NSD3: variants seen among roughly 807,000 people sequenced by gnomAD.
NSD3 encodes nuclear receptor binding SET domain protein 3.
A neutral mutation model predicts 160.8 loss-of-function variants in NSD3; 24 were observed. That is an observed-to-expected ratio of 0.15 (90% CI 0.11 to 0.21). The LOEUF is 0.21. NSD3 is among the 10% of genes least tolerant of loss of function. The pLI, the probability that NSD3 is intolerant of heterozygous loss-of-function variation, is 1.00. For synonymous variants in NSD3, 520 were observed against 600.0 expected (o/e 0.87, Z 1.95); for missense variants, 1,157 against 1,735.9 (o/e 0.67, Z 5.93).
At chr8:38,332,253 T>C (rs977181116) in intron 4 of NSD3, among the ~76,000 whole-genome samples, 2 of 152,206 alleles carry the variant, frequency 1.3e-5, no homozygotes, top group African/African-American at 4.8e-5. Flanking sequence ...TGATAGGTTC[T>C]TATTTTTAAA....
chr8:38,296,367 G>A (rs910276196), intron 15 of NSD3, among the ~76,000 whole-genome samples: 24 of 152,272 alleles, frequency 1.6e-4, no homozygotes, highest in African/African-American at 5.5e-4. Flanking sequence ...GCAAGTCATC[G>A]TTGTATTTTA....
intron 17 of NSD3, 43 bp downstream of exon 17, chr8:38,290,432 C>G (rs367930463): frequency 1.9e-5 from 31 of 1,595,554 alleles, no homozygotes; most frequent in Non-Finnish European, 2.7e-5. Flanking sequence ...AAACTGACAC[C>G]GGAGTTGTAG....
At chr8:38,279,783 G>A in intron 20 of NSD3, 102 bp from the exon 21 acceptor site, 1 of 1,319,302 alleles carries the variant, frequency 7.6e-7, no homozygotes. Context: ...GCTACCAACT[G>A]GTGTTTGACA....
intron 19 of NSD3, among the ~76,000 whole-genome samples, chr8:38,286,195 C>T (rs1257347205): frequency 1.3e-5 from 2 of 152,106 alleles, no homozygotes; most frequent in Non-Finnish European, 2.9e-5. Context: ...GTCTCTCACC[C>T]CTGCTGGCTG....
chr8:38,366,650 G>C (rs1163757627), intron 1 of NSD3, among the ~76,000 whole-genome samples: 2 of 152,064 alleles, frequency 1.3e-5, no homozygotes, highest in Non-Finnish European at 1.5e-5. Context: ...TTGACCTCAT[G>C]ATCTGCCCAC....
At position 38,288,553 on chromosome 8, in the gene NSD3, A is replaced by C. The variant is rs1270421045; in HGVS notation, c.3435T>G (p.Pro1145=). ...GCTCCGTTTTGATGATCTCTGCATC[A>C]GGGTATAGTCTCTTTGTAAAGCACT... is the stretch of plus-strand genomic sequence containing the variant. The part of the protein sequence containing the change: ...QNQCFTKRLY[P]DAEIIKTERR... The change falls in exon 19 of 24, where the codon CCT becomes CCG. Residue 1145 remains proline (P), a synonymous_variant. Coordinates refer to ENST00000317025, the MANE Select transcript of NSD3 (RefSeq NM_023034.2). This position sits in a 1 kb window ranked among gnomAD's most constrained non-coding sequence, Gnocchi z 4.5. 1 of 1,614,166 alleles carries C rather than the reference A, an allele frequency of 6.2e-7. No individual in the cohort carries two copies. The highest frequency in any genetic ancestry group is 8.5e-7 in the Non-Finnish European group (1 of 1,180,026).
intron 16 of NSD3, among the ~76,000 whole-genome samples, chr8:38,294,506 A>G (rs1385078601): frequency 6.6e-6 from 1 of 152,212 alleles, no homozygotes; most frequent in Non-Finnish European, 1.5e-5. Context: ...TCATTCCCTT[A>G]AGACTAAAGC....
intron 1 of NSD3, among the ~76,000 whole-genome samples, chr8:38,379,867 G>T (rs1397494214): frequency 8.5e-5 from 13 of 152,194 alleles, no homozygotes; most frequent in Admixed American, 8.5e-4. Flanking sequence ...AATCCAATAT[G>T]AAATAAAATA....
At chr8:38,281,629 T>G in intron 19 of NSD3, 46 bp from the exon 20 acceptor site, 1 of 1,336,612 alleles carries the variant, frequency 7.5e-7, no homozygotes, top group Non-Finnish European at 1.1e-6. Flanking sequence ...GTGTATTATA[T>G]AAAGCATTGC....
Position 38,329,510 on chromosome 8 carries a change from A to G in NSD3, c.1449T>C (p.Ile483=). ...AATCCAGGCTCCCTTTGTGCATCGTAATGGAAGCTGGTAAGGATTTCCTTG... is the reference window on the plus strand; with the variant it reads ...AATCCAGGCTCCCTTTGTGCATCGTGATGGAAGCTGGTAAGGATTTCCTTG... ...AAARKSLPAS[I]TMHKGSLDLQ... is the part of the protein sequence containing the mutation. Residue 483 remains isoleucine (I), a synonymous_variant, in exon 6 of 24, where the codon ATT becomes ATC. Coordinates refer to ENST00000317025, the MANE Select transcript of NSD3 (RefSeq NM_023034.2). The surrounding 1 kb of genome is among the most constrained non-coding windows in gnomAD (Gnocchi z 4.8). The G allele has an allele frequency of 6.2e-7, 1 of 1,614,198 alleles. No homozygotes were observed. The highest frequency in any genetic ancestry group is 1.7e-4 in the Middle Eastern group (1 of 6,056).
rs1416224222 is a variant in NSD3, at chr8:38,271,403, C to G, written c.*4238G>C. ...CGTACCTGTGGTAAACATTATCCCC[C>G]CCCTTACCCTTTACCAGGAGAAAGG... On this transcript the variant is annotated 3_prime_UTR_variant, in exon 24 of 24. Coordinates refer to ENST00000317025, the MANE Select transcript of NSD3 (RefSeq NM_023034.2). The G allele has an allele frequency of 1.3e-5, 2 of 152,064 alleles. No homozygotes were observed. Among genetic ancestry groups the G allele is most frequent in the African/African-American group, 2.4e-5 (1 of 41,406 alleles). 9.4% of individuals were successfully genotyped at this position (152,064 alleles called of 1,614,324 possible).
At position 38,309,101 on chromosome 8, in the gene NSD3, G is replaced by A. The variant is rs560427300; in HGVS notation, c.2243-3656C>T. On this transcript the variant is annotated intron_variant, in intron 12 of 23. Transcript: ENST00000317025. The stretch of plus-strand genomic sequence containing the variant: ...AGGTGGGTGCATTGCTTGAGTATGG[G>A]AGTTCAAGACCAGCCTGGGCAACAT... Among the ~76,000 whole-genome samples the A allele has an allele frequency of 7.9e-5, 12 of 151,530 alleles. No homozygotes were observed. The South Asian group carries it at 2.5e-3, about 32-fold the overall frequency.
At chr8:38,333,818 G>A (rs1023443607) in intron 4 of NSD3, among the ~76,000 whole-genome samples, 2 of 152,100 alleles carry the variant, frequency 1.3e-5, no homozygotes, top group African/African-American at 4.8e-5. Context: ...AGTGAGCCGA[G>A]ATTGCGCCAC....
chr8:38,355,480 G>C (rs1810803373), intron 1 of NSD3, among the ~76,000 whole-genome samples: 1 of 151,820 alleles, frequency 6.6e-6, no homozygotes, highest in Non-Finnish European at 1.5e-5. Flanking sequence ...AAGATTTTGT[G>C]AGTAAGACAC....
At chr8:38,278,217 C>T (rs570266783) in intron 22 of NSD3, 89 bp downstream of exon 22, 28 of 1,152,980 alleles carry the variant, frequency 2.4e-5, no homozygotes, top group South Asian at 1.5e-4. Context: ...GGATTACAGG[C>T]ATGAGCCACC....
chr8:38,379,988 T>C (rs1811495283), intron 1 of NSD3, among the ~76,000 whole-genome samples: 1 of 152,246 alleles, frequency 6.6e-6, no homozygotes, highest in Non-Finnish European at 1.5e-5. Flanking sequence ...TTAGTTACTG[T>C]AGTTTCCTGA....
intron 1 of NSD3, among the ~76,000 whole-genome samples, chr8:38,368,834 A>C (rs1471157756): frequency 6.6e-6 from 1 of 152,196 alleles, no homozygotes; most frequent in African/African-American, 2.4e-5. Context: ...ACTACAAACA[A>C]CTTTCATCAG....
intron 16 of NSD3, among the ~76,000 whole-genome samples, chr8:38,292,657 C>G (rs996480491): frequency 1.3e-5 from 2 of 151,938 alleles, no homozygotes; most frequent in African/African-American, 4.8e-5. Context: ...GGTGTGGTGT[C>G]GGGTGCCTGG....
chr8:38,321,251 T>G lies in NSD3; in HGVS notation c.1709-79A>C. On this transcript the variant is annotated intron_variant, in intron 7 of 23. Coordinates refer to ENST00000317025, the MANE Select transcript of NSD3 (RefSeq NM_023034.2). The surrounding 1 kb of genome is among the most constrained non-coding windows in gnomAD (Gnocchi z 4.7). ...TCTATGTAATTAAGATATGACCACA[T>G]TCCTTGCTTTTCTTACCCATTACTT... The G allele has an allele frequency of 9.0e-7, 1 of 1,111,248 alleles. No homozygotes were observed. The highest frequency in any genetic ancestry group is 1.3e-6 in the Non-Finnish European group (1 of 780,646). 68.8% of individuals were successfully genotyped at this position (1,111,248 alleles called of 1,614,324 possible).
Sources: allele counts gnomAD v4.1 joint callset (sites outside exome capture counted in the v4.1 genomes callset), GRCh38; gene constraint gnomAD v4.1.1; non-coding constraint Gnocchi (gnomAD v3.1); transcripts MANE v1.5; gene names NCBI Gene and HGNC (gene_info 2026-07-23, HGNC 2026-07-21).